TJP3: variants seen among roughly 807,000 people sequenced by gnomAD.
TJP3 encodes tight junction protein ZO-3.
TJP3 carries 85 observed loss-of-function variants against 104.2 expected under a neutral mutation model. The ratio of observed to expected loss-of-function variants is 0.82; its 90% confidence interval spans 0.68 to 0.98. The LOEUF (loss-of-function observed/expected upper bound fraction) is 0.98, where lower values mean the gene tolerates loss of function less well. Ranked by LOEUF, TJP3 falls within the 50% of genes least tolerant of loss-of-function variation. The pLI, the probability that TJP3 is intolerant of heterozygous loss-of-function variation, is 0.00. For missense variants in TJP3, 1,367 were observed against 1,322.8 expected (o/e 1.03, Z -0.52); for synonymous variants, 550 against 550.6 (o/e 1.00, Z 0.02).
intron 10 of TJP3, 103 bp from the exon 11 acceptor site, chr19:3,736,062 G>GA: frequency 9.7e-6 from 15 of 1,553,426 alleles, no homozygotes; most frequent in South Asian, 4.7e-5. Context: ...GGGTTTTGGG[G>GA]AAACTGAGGC....
chr19:3,746,131 G>T lies in TJP3; in HGVS notation c.2010+50G>T. 1 of 1,535,692 alleles carries T rather than the reference G, an allele frequency of 6.5e-7. No individual in the cohort carries two copies. Among genetic ancestry groups the T allele is most frequent in the Non-Finnish European group, 8.9e-7 (1 of 1,125,948 alleles). On this transcript the variant is annotated intron_variant, in intron 16 of 20. Coordinates refer to ENST00000541714, the MANE Select transcript of TJP3 (RefSeq NM_001267560.2). The surrounding 1 kb of genome is among the most constrained non-coding windows in gnomAD (Gnocchi z 4.1). ...CCATTTCATGGATGGGGGAAACCGA[G>T]GCCTGGGCATCCAACTGAATGTCCT...
Position 3,728,596 on chromosome 19 carries a change from T to C in TJP3, c.49-8T>C. ...CAGCAGCTCTTCCTTCCCCTCATCC[T>C]CTCTCAGGACCCCCGCCGGGGCTTT... is the stretch of plus-strand genomic sequence containing the variant. On this transcript the variant is annotated splice_region_variant and splice_polypyrimidine_tract_variant and intron_variant, in intron 2 of 20. Transcript: ENST00000541714. 3 of 1,610,920 alleles carry C rather than the reference T, an allele frequency of 1.9e-6. No homozygotes were observed. Among genetic ancestry groups the C allele is most frequent in the Non-Finnish European group, 2.5e-6 (3 of 1,179,064 alleles).
chr19:3,718,131 G>A lies in TJP3; in HGVS notation c.-10+9570G>A, dbSNP rs534359971. 1.0e-4 allele frequency among the ~76,000 whole-genome samples: 15 copies of A among 148,362 alleles called. 1 individual carries two copies. Among genetic ancestry groups the A allele is most frequent in the Non-Finnish European group, 1.0e-4 (7 of 67,456 alleles). ...TGAGGCAGGAGAATGGCGTGAACCC[G>A]GGAAGCAGAGCTTGCAGTGAGCTGA... On this transcript the variant is annotated intron_variant, in intron 1 of 20. Coordinates refer to ENST00000541714, the MANE Select transcript of TJP3 (RefSeq NM_001267560.2).
chr19:3,736,002 C>A, intron 10 of TJP3, 67 bp downstream of exon 10: 1 of 1,598,304 alleles, frequency 6.3e-7, no homozygotes, highest in Non-Finnish European at 8.6e-7. Flanking sequence ...CCCTCATCAG[C>A]GCAATCCTGC....
rs759870584 is a variant in TJP3 at position 3,740,695 on chromosome 19, G to A, written c.1775G>A (p.Arg592His). Reference protein sequence around the residue: ...RGAKKTTQRSREDLSALTRQG... With the variant: ...RGAKKTTQRSHEDLSALTRQG... ...GCCAAGAAGACCACTCAGCGGAGCC[G>A]TGAGGACCTCTCAGCTCTGACCCGA... The change falls in exon 14 of 21, where the codon CGT becomes CAT. Residue 592 changes from arginine to histidine, a missense_variant. Physicochemically the swap from Arg to His is conservative, Grantham distance 29. Coordinates refer to ENST00000541714, the MANE Select transcript of TJP3 (RefSeq NM_001267560.2). 3.1e-6 allele frequency: 5 copies of A among 1,606,220 alleles called. No homozygotes were observed. Among genetic ancestry groups the A allele is most frequent in the Admixed American group, 1.7e-5 (1 of 59,148 alleles).
chr19:3,749,477 C>T (rs925808111), intron 19 of TJP3: 1 of 151,922 alleles, frequency 6.6e-6, no homozygotes, highest in African/African-American at 2.4e-5. Context: ...GTAGCTGGGA[C>T]CACAGGCGCG....
chr19:3,734,032 G>C, intron 7 of TJP3, 120 bp downstream of exon 7: 1 of 1,349,888 alleles, frequency 7.4e-7, no homozygotes, highest in Non-Finnish European at 1.0e-6. Flanking sequence ...AGAGTGACAG[G>C]AACTTGCTGA....
chr19:3,719,156 C>G lies in TJP3; in HGVS notation c.-9-9268C>G, dbSNP rs117175657. On this transcript the variant is annotated intron_variant, in intron 1 of 20. Transcript: ENST00000541714. ...CCGAGACTGCGCCCGGCACTCCAAC[C>G]TGGGTGACAGAATGAGTGTCCGTCT... is the stretch of plus-strand genomic sequence containing the variant. 3.0e-3 allele frequency among the ~76,000 whole-genome samples: 463 copies of G among 152,084 alleles called. 11 individuals carry two copies. The East Asian group carries it at 0.076, about 25-fold the overall frequency.
rs2036507104 is a variant in TJP3 at position 3,718,243 on chromosome 19, G to C, written c.-10+9682G>C. On this transcript the variant is annotated intron_variant, in intron 1 of 20. Transcript: ENST00000541714. ...TGTGTGTGTGTGTGTGTGTGTGTGT[G>C]TGTGTGTGTGTGTCTGTGTGTGTGT... 3.4e-5 allele frequency among the ~76,000 whole-genome samples: 4 copies of C among 118,928 alleles called. 1 individual carries two copies. In the South Asian group the frequency reaches 1.1e-3, roughly 32 times the overall value. 78.0% of individuals were successfully genotyped at this position (118,928 alleles called of 152,430 possible).
intron 11 of TJP3, 85 bp downstream of exon 11, chr19:3,736,406 T>C: frequency 8.2e-6 from 11 of 1,344,658 alleles, no homozygotes; most frequent in Non-Finnish European, 9.7e-6. Context: ...AGTCCTCCCC[T>C]TGGGTCCACC....
intron 1 of TJP3, among the ~76,000 whole-genome samples, chr19:3,709,534 G>A (rs1476355230): frequency 6.6e-6 from 1 of 152,190 alleles, no homozygotes; most frequent in Non-Finnish European, 1.5e-5. Flanking sequence ...TCCCAAATGG[G>A]AAGACCAAGG....
chr19:3,712,393 C>T (rs1252569261), intron 1 of TJP3, among the ~76,000 whole-genome samples: 1 of 152,146 alleles, frequency 6.6e-6, no homozygotes, highest in African/African-American at 2.4e-5. Flanking sequence ...CCCTCTAGCC[C>T]TGGGACACTG....
rs749795339 is a variant in TJP3 at position 3,746,656 on chromosome 19, G to A, written c.2182G>A (p.Ala728Thr). Residue 728 changes from alanine to threonine, a missense_variant, in exon 17 of 21, where the codon GCC becomes ACC. Coordinates refer to ENST00000541714, the MANE Select transcript of TJP3 (RefSeq NM_001267560.2). This position sits in a 1 kb window ranked among gnomAD's most constrained non-coding sequence, Gnocchi z 4.1. ...RRSTRRLYAQ[A>T]QKLRKHSSHL... ...CAGCACCCGTCGCCTCTACGCACAAGCCCAGAAGCTGCGAAAACACAGCAG... is the reference window on the plus strand; with the variant it reads ...CAGCACCCGTCGCCTCTACGCACAAACCCAGAAGCTGCGAAAACACAGCAG... 6.2e-6 allele frequency: 10 copies of A among 1,613,320 alleles called. No individual in the cohort carries two copies. The highest frequency in any genetic ancestry group is 1.1e-5 in the South Asian group (1 of 91,026).
At chr19:3,727,868 G>C (rs923529446) in intron 1 of TJP3, among the ~76,000 whole-genome samples, 2 of 152,050 alleles carry the variant, frequency 1.3e-5, no homozygotes, top group African/African-American at 4.8e-5. Flanking sequence ...CTTGAACTTG[G>C]GAGGCAGAGA....
intron 13 of TJP3, among the ~76,000 whole-genome samples, chr19:3,739,498 A>G (rs895763643): frequency 5.9e-5 from 9 of 152,110 alleles, no homozygotes; most frequent in African/African-American, 9.7e-5. Flanking sequence ...TCAATAAATA[A>G]ATAAATAGGC....
chr19:3,742,438 A>G (rs971546728), intron 14 of TJP3, among the ~76,000 whole-genome samples: 3 of 151,700 alleles, frequency 2.0e-5, no homozygotes, highest in African/African-American at 7.3e-5. Flanking sequence ...GGGGGGAAAA[A>G]TGCCTCATCC....
chr19:3,734,914 A>G (rs1204656940), intron 8 of TJP3, among the ~76,000 whole-genome samples: 3 of 152,202 alleles, frequency 2.0e-5, no homozygotes, highest in Admixed American at 1.3e-4. Context: ...AGATCGTGTC[A>G]TTACACTGCA....
intron 19 of TJP3, 91 bp from the exon 20 acceptor site, chr19:3,750,047 C>G (rs548043651): frequency 1.3e-6 from 2 of 1,558,530 alleles, no homozygotes; most frequent in Admixed American, 3.4e-5. Flanking sequence ...TGGCCCGGGC[C>G]AAGGTGGGGG....
chr19:3,721,754 C>T, intron 1 of TJP3: 1 of 408,544 alleles, frequency 2.4e-6, no homozygotes. Flanking sequence ...AGCTGCGGAG[C>T]TGGAGGGAGG....
Sources: gnomAD v4.1 joint callset for allele counts (sites outside exome capture counted in the v4.1 genomes callset) on GRCh38, gnomAD v4.1.1 for gene constraint, Gnocchi (gnomAD v3.1) non-coding constraint, MANE v1.5 for transcripts, NCBI Gene and HGNC (gene_info 2026-07-23, HGNC 2026-07-21) for gene names.